CLDN14: variants seen among roughly 807,000 people sequenced by gnomAD.
The protein encoded by CLDN14 is claudin-14.
CLDN14 carries 2 observed loss-of-function variants against 2.1 expected under a neutral mutation model. The observed-to-expected ratio is 0.96, with a 90% confidence interval of 0.39 to 3.01. The LOEUF (loss-of-function observed/expected upper bound fraction) is 3.01. Among genes scored for constraint, CLDN14 ranks in the 30% most tolerant of loss-of-function variants. The probability of loss-of-function intolerance (pLI) is 0.09; values close to 1 mark genes in which losing one functional copy is unlikely to be tolerated. For synonymous variants in CLDN14, 136 were observed against 154.4 expected (o/e 0.88, Z 0.88); for missense variants, 298 against 328.0 (o/e 0.91, Z 0.71).
intron 1 of CLDN14, among the ~76,000 whole-genome samples, chr21:36,564,709 G>A (rs73380062): frequency 6.6e-6 from 1 of 152,348 alleles, no homozygotes; most frequent in Non-Finnish European, 1.5e-5. Context: ...GGCAGTGAAG[G>A]TTGCAGAGGG....
rs1422476466 is a variant in CLDN14, at chr21:36,548,319, C to T, written c.-220+28092G>A. ...ATAAATGCCAATCTCCCGGCTGGGC[C>T]ATGAGCTCTGGAAGCAGCATCTAAG... On this transcript the variant is annotated intron_variant, in intron 1 of 2. Transcript: ENST00000342108. Among the ~76,000 whole-genome samples the T allele has an allele frequency of 3.3e-5, 5 of 152,204 alleles. No individual in the cohort carries two copies. In the East Asian group the frequency reaches 9.6e-4, roughly 29 times the overall value.
intron 1 of CLDN14, among the ~76,000 whole-genome samples, chr21:36,568,239 G>A (rs1280022358): frequency 6.6e-6 from 1 of 152,152 alleles, no homozygotes; most frequent in Non-Finnish European, 1.5e-5. Context: ...TGGACAAAGG[G>A]TTCTACTTGA....
At chr21:36,493,504 G>A (rs755884728) in intron 2 of CLDN14, among the ~76,000 whole-genome samples, 1 of 152,130 alleles carries the variant, frequency 6.6e-6, no homozygotes, top group Non-Finnish European at 1.5e-5. Context: ...GGGCCTGCAG[G>A]TCTGATCTTT....
chr21:36,503,135 C>A (rs2087103871), intron 2 of CLDN14, among the ~76,000 whole-genome samples: 1 of 152,176 alleles, frequency 6.6e-6, no homozygotes, highest in Admixed American at 6.5e-5. Context: ...CTCACTGCAA[C>A]CTCTGCCTCC....
chr21:36,481,056 T>C (rs1233352990), upstream of CLDN14: 1 of 152,196 alleles, frequency 6.6e-6, no homozygotes, highest in South Asian at 2.1e-4. Context: ...CATAGCTTTT[T>C]TGGTCTGTTT....
chr21:36,462,500 A>G (rs2086591082), intron 1 of CLDN14, among the ~76,000 whole-genome samples: 1 of 152,194 alleles, frequency 6.6e-6, no homozygotes, highest in Non-Finnish European at 1.5e-5. Flanking sequence ...ATTATAAAAC[A>G]GAGGCTGCTA....
At chr21:36,566,287 T>C (rs765770169) in intron 1 of CLDN14, among the ~76,000 whole-genome samples, 1 of 152,228 alleles carries the variant, frequency 6.6e-6, no homozygotes. Context: ...TTAAGTGAAT[T>C]AATATTTGTA....
At chr21:36,517,602 T>A (rs886530767) in intron 1 of CLDN14, among the ~76,000 whole-genome samples, 11 of 152,220 alleles carry the variant, frequency 7.2e-5, no homozygotes, top group African/African-American at 2.2e-4. Context: ...TCGCCATGCA[T>A]ATTTAGTAGG....
At chr21:36,506,716 CG>C (rs938605797) in intron 2 of CLDN14, among the ~76,000 whole-genome samples, 2 of 152,000 alleles carry the variant, frequency 1.3e-5, no homozygotes, top group African/African-American at 4.8e-5. Flanking sequence ...GGGTCAAGGT[CG>C]GGGAGGACTT....
At chr21:36,510,298 T>A (rs1200294074) in intron 2 of CLDN14, 1 of 152,238 alleles carries the variant, frequency 6.6e-6, no homozygotes, top group East Asian at 1.9e-4. Flanking sequence ...TAATGCTACA[T>A]GTTTACAGAT....
rs913982102 is a variant in CLDN14, at chr21:36,551,616, C to T, written c.-220+24795G>A. ...TTGTGATCTGGATCTGAGATGCCGCCTTGGGTGGTGGGTAGAGGGATGACC... is the reference window on the plus strand; with the variant it reads ...TTGTGATCTGGATCTGAGATGCCGCTTTGGGTGGTGGGTAGAGGGATGACC... On this transcript the variant is annotated intron_variant, in intron 1 of 2. Transcript: ENST00000342108. This position sits in a 1 kb window ranked among gnomAD's most constrained non-coding sequence, Gnocchi z 4.8. 6.6e-6 allele frequency among the ~76,000 whole-genome samples: 1 copy of T among 152,114 alleles called. No homozygotes were observed. Among genetic ancestry groups the T allele is most frequent in the Non-Finnish European group, 1.5e-5 (1 of 68,014 alleles).
chr21:36,534,359 A>G (rs530709653), intron 1 of CLDN14, among the ~76,000 whole-genome samples: 28 of 152,296 alleles, frequency 1.8e-4, no homozygotes, highest in African/African-American at 6.7e-4. Flanking sequence ...CACACGGTTG[A>G]CAGGAAAAAG....
At position 36,487,066 on chromosome 21, in the gene CLDN14, C is replaced by A. The variant is rs61540527; in HGVS notation, c.-82+23297G>T. 749 of 235,350 alleles carry A rather than the reference C, an allele frequency of 3.2e-3. 8 individuals are homozygous for A. The highest frequency in any genetic ancestry group is 0.016 in the African/African-American group (692 of 42,658). The allele number at this position is 235,350 out of a possible 1,614,324, so 14.6% of individuals were successfully genotyped here. ...ATGGCGCAATCTCAGCTCACTGCAA[C>A]CTCTGCCTCTCGGGTTCAAGGGATT... On this transcript the variant is annotated intron_variant, in intron 2 of 2. Coordinates refer to the CLDN14 transcript ENST00000342108.
At chr21:36,486,044 G>A in intron 2 of CLDN14, 1 of 1,433,692 alleles carries the variant, frequency 7.0e-7, no homozygotes. Flanking sequence ...GCAGGCCAGG[G>A]AGCCCACAGC....
At chr21:36,565,255 G>A (rs944170477) in intron 1 of CLDN14, among the ~76,000 whole-genome samples, 4 of 152,290 alleles carry the variant, frequency 2.6e-5, no homozygotes, top group South Asian at 2.1e-4. Context: ...GGGTCAGTTT[G>A]TCTCTCAGCC....
intron 1 of CLDN14, among the ~76,000 whole-genome samples, chr21:36,478,955 G>A (rs939557796): frequency 3.3e-5 from 5 of 152,048 alleles, no homozygotes; most frequent in Non-Finnish European, 7.4e-5. Flanking sequence ...TACCCTCATT[G>A]AGAGAGATCT....
chr21:36,498,832 C>T lies in CLDN14; in HGVS notation c.-82+11531G>A, dbSNP rs531918781. On this transcript the variant is annotated intron_variant, in intron 2 of 2. Transcript: ENST00000342108. The surrounding 1 kb of genome is among the most constrained non-coding windows in gnomAD (Gnocchi z 4.9). ...CATCAGCCCTGCACGAAGGTGGCCG[C>T]TGAGGGGCCCTCATGGGGGCTGAAA... is the stretch of plus-strand genomic sequence containing the variant. 2.2e-4 allele frequency among the ~76,000 whole-genome samples: 34 copies of T among 152,266 alleles called. No individual in the cohort carries two copies. Among genetic ancestry groups the T allele is most frequent in the African/African-American group, 7.9e-4 (33 of 41,566 alleles).
chr21:36,472,818 G>C (rs1181629257), intron 1 of CLDN14, among the ~76,000 whole-genome samples: 1 of 152,062 alleles, frequency 6.6e-6, no homozygotes, highest in East Asian at 1.9e-4. Context: ...TCTTTTTAGA[G>C]CACGAATCTC....
intron 1 of CLDN14, among the ~76,000 whole-genome samples, chr21:36,568,999 T>C (rs1463299153): frequency 6.6e-6 from 1 of 152,260 alleles, no homozygotes. Context: ...TAAAGTTACA[T>C]GAGTGTGGTA....
Sources: allele counts gnomAD v4.1 joint callset (sites outside exome capture counted in the v4.1 genomes callset), GRCh38; gene constraint gnomAD v4.1.1; non-coding constraint Gnocchi (gnomAD v3.1); transcripts MANE v1.5; gene names NCBI Gene and HGNC (gene_info 2026-07-23, HGNC 2026-07-21).